The following PKD1 variants were observed in gnomAD, a reference collection of about 807,000 sequenced individuals.
PKD1 encodes the protein polycystin 1, transient receptor potential channel interacting.
PKD1 carries 81 observed loss-of-function variants against 361.7 expected under a neutral mutation model. The ratio of observed to expected loss-of-function variants is 0.22; its 90% CI spans 0.19 to 0.27. The LOEUF is 0.27. PKD1 is among the 10% of genes least tolerant of loss of function. The pLI, the probability that PKD1 is intolerant of heterozygous loss-of-function variation, is 1.00. For synonymous variants in PKD1, 3,615 were observed against 2,818.3 expected (o/e 1.28, Z -8.95); for missense variants, 6,399 against 6,118.3 (o/e 1.05, Z -1.53).
At chr16:2,098,652 TGAG>T (rs2091954747) in intron 30 of PKD1, among the ~76,000 whole-genome samples, 1 of 138,930 alleles carries the variant, frequency 7.2e-6, no homozygotes, top group African/African-American at 2.8e-5. Context: ...TGTAACCTCT[TGAG>T]GACCCCACGT....
rs911685556 is a variant in PKD1, at chr16:2,107,740, G to C, written c.7065+143C>G. 4 of 773,326 alleles carry C rather than the reference G, an allele frequency of 5.2e-6. No individual in the cohort carries two copies. In the African/African-American group the frequency reaches 6.8e-5, roughly 13 times the overall value. 47.9% of individuals were successfully genotyped at this position (773,326 alleles called of 1,614,324 possible). ...TTGGAAGGAAGCAAAGCTGAAGCAGGCTGTCGTGTTACATAGAATTTGCAT... is the reference window on the plus strand; with the variant it reads ...TTGGAAGGAAGCAAAGCTGAAGCAGCCTGTCGTGTTACATAGAATTTGCAT... On this transcript the variant is annotated intron_variant, in intron 16 of 45. Transcript: ENST00000262304.
At position 2,102,420 on chromosome 16, in the gene PKD1, G is replaced by A. The variant is rs757261713; in HGVS notation, c.9162C>T (p.Ser3054=). The A allele has an allele frequency of 1.3e-5, 20 of 1,552,590 alleles. No homozygotes were observed. Among genetic ancestry groups the A allele is most frequent in the Non-Finnish European group, 1.6e-5 (18 of 1,149,470 alleles). Residue 3054 remains serine, a synonymous_variant, in exon 25 of 46, where the codon AGC becomes AGT. Transcript: ENST00000262304. ...LTRHLTAFGA[S]LFVPPSHVRF... ...GGACATGGCTTGGGGGCACGAAGAG[G>A]CTGGCGCCGAAGGCGGTGAGGTGGC...
chr16:2,097,590 C>A, intron 32 of PKD1, 87 bp from the exon 33 acceptor site: 1 of 1,608,892 alleles, frequency 6.2e-7, no homozygotes, highest in African/African-American at 1.3e-5. Context: ...ACACCCTGGG[C>A]TTCCGAGCAA....
At position 2,104,671 on chromosome 16, in the gene PKD1, G is replaced by A. The variant is rs546456429; in HGVS notation, c.8017-29C>T. 1.3e-3 allele frequency: 1,803 copies of A among 1,357,066 alleles called. 12 individuals are homozygous for A. The African/African-American group carries it at 0.016, about 12-fold the overall frequency. 84.1% of individuals were successfully genotyped at this position (1,357,066 alleles called of 1,614,324 possible). A position where few individuals can be genotyped will look rare whatever the true frequency, so the allele number is the denominator to read the frequency against. On this transcript the variant is annotated intron_variant, in intron 21 of 45. Transcript: ENST00000262304. ...TGTGGAGCCAGCAGTGTCCAGCCCC[G>A]CTCCTGGCCCCACTCCTTGCACACG... is the stretch of plus-strand genomic sequence containing the variant.
intron 26 of PKD1, 46 bp downstream of exon 26, chr16:2,102,015 G>C (rs1177567153): frequency 3.2e-6 from 4 of 1,238,792 alleles, no homozygotes; most frequent in Admixed American, 2.0e-5. Flanking sequence ...AACCAGCACA[G>C]CCAGTGAGAG....
chr16:2,122,725 C>A (rs2092741423), intron 1 of PKD1, among the ~76,000 whole-genome samples: 1 of 152,228 alleles, frequency 6.6e-6, no homozygotes, highest in Admixed American at 6.5e-5. Flanking sequence ...GCGGCGGCAG[C>A]AGAACCAATG....
chr16:2,125,759 C>T (rs1173037390), intron 1 of PKD1, among the ~76,000 whole-genome samples: 1 of 151,876 alleles, frequency 6.6e-6, no homozygotes, highest in African/African-American at 2.4e-5. Context: ...AGAATGAGGG[C>T]CGGCTCCTGG....
At chr16:2,097,120 C>A in intron 34 of PKD1, 28 bp downstream of exon 34, 2 of 1,522,662 alleles carry the variant, frequency 1.3e-6, no homozygotes, top group Non-Finnish European at 1.8e-6. Flanking sequence ...TCTGGCAATC[C>A]CCCCTCCCCC....
In PKD1 at chr16:2,100,061, G is replaced by T; in HGVS notation, c.9723C>A (p.Ala3241=). ...EKEVLAASDA[A]LLRFRRLLVA... ...CCAGCAGGCGCCGGAAGCGCAAAAG[G>T]GCTGCGTCGCCTAGAAGGCAGGGAG... is the stretch of plus-strand genomic sequence containing the variant. Residue 3241 remains alanine (A), a synonymous_variant, in exon 29 of 46, where the codon GCC becomes GCA. Coordinates refer to ENST00000262304, the MANE Select transcript of PKD1 (RefSeq NM_001009944.3). This position sits in a 1 kb window ranked among gnomAD's most constrained non-coding sequence, Gnocchi z 4.4. 6.3e-7 allele frequency: 1 copy of T among 1,598,176 alleles called. No homozygotes were observed. The highest frequency in any genetic ancestry group is 8.5e-7 in the Non-Finnish European group (1 of 1,173,932).
At chr16:2,093,214 G>A in intron 37 of PKD1, 121 bp from the exon 38 acceptor site, 2 of 1,220,556 alleles carry the variant, frequency 1.6e-6, no homozygotes, top group East Asian at 2.3e-5. Context: ...GCTGGCAGGG[G>A]GCGCCCCAAG....
At chr16:2,101,921 G>A in intron 26 of PKD1, 140 bp downstream of exon 26, 3 of 674,828 alleles carry the variant, frequency 4.4e-6, no homozygotes, top group Non-Finnish European at 8.1e-6. Flanking sequence ...GTCATTCCCA[G>A]GATGAACACA....
intron 10 of PKD1, 128 bp from the exon 11 acceptor site, chr16:2,115,053 A>G (rs2092607236): frequency 1.3e-6 from 2 of 1,498,022 alleles, no homozygotes; most frequent in Non-Finnish European, 1.8e-6. Context: ...GCCTCCCCAC[A>G]GTGCTCGTGA....
intron 34 of PKD1, among the ~76,000 whole-genome samples, chr16:2,096,553 T>C (rs2151722423): frequency 6.6e-6 from 1 of 152,328 alleles, no homozygotes; most frequent in African/African-American, 2.4e-5. Context: ...TTCGCTCTTG[T>C]TGCCCAGGCT....
chr16:2,130,830 T>A (rs779572261), intron 1 of PKD1, among the ~76,000 whole-genome samples: 4 of 152,234 alleles, frequency 2.6e-5, no homozygotes, highest in Non-Finnish European at 5.9e-5. Flanking sequence ...CGGGTGCTCC[T>A]ATATTTTACA....
rs1314358902 is a variant in PKD1 at position 2,107,733 on chromosome 16, G to A, written c.7065+150C>T. 5.3e-6 allele frequency: 4 copies of A among 752,044 alleles called. No homozygotes were observed. The Admixed American group carries it at 6.2e-5, about 12-fold the overall frequency. The allele number at this position is 752,044 out of a possible 1,614,324, so 46.6% of individuals were successfully genotyped here. A position where few individuals can be genotyped will look rare whatever the true frequency, so the allele number is the denominator to read the frequency against. ...GGCAGGTTTGGAAGGAAGCAAAGCTGAAGCAGGCTGTCGTGTTACATAGAA... is the reference window on the plus strand; with the variant it reads ...GGCAGGTTTGGAAGGAAGCAAAGCTAAAGCAGGCTGTCGTGTTACATAGAA... On this transcript the variant is annotated intron_variant, in intron 16 of 45. Coordinates refer to ENST00000262304, the MANE Select transcript of PKD1 (RefSeq NM_001009944.3).
In PKD1 at chr16:2,090,149, G is replaced by T; in HGVS notation, c.12490C>A (p.Arg4164Ser). 6.3e-7 allele frequency: 1 copy of T among 1,595,738 alleles called. No homozygotes were observed. Among genetic ancestry groups the T allele is most frequent in the Non-Finnish European group, 8.5e-7 (1 of 1,170,242 alleles). Residue 4164 changes from arginine to serine, a missense_variant, in exon 46 of 46, where the codon CGC becomes AGC. Transcript: ENST00000262304. ...RFEGMEPLPSRSSRGSKVSPD... is the reference protein window; with the variant it reads ...RFEGMEPLPSSSSRGSKVSPD... ...GATACCTTGGAGCCCCTGGAGGAGC[G>T]AGAGGGCAGCGGCTCCATCCCTTCA...
rs1231058754 is a variant in PKD1, at chr16:2,092,998, G to A, written c.11112C>T (p.Ala3704=). 1.2e-6 allele frequency: 2 copies of A among 1,613,016 alleles called. No homozygotes were observed. The highest frequency in any genetic ancestry group is 4.5e-5 in the East Asian group (2 of 44,878). The change falls in exon 38 of 46, where the codon GCC becomes GCT. Residue 3704 remains alanine (A), a synonymous_variant. Transcript: ENST00000262304. ...CCCGGCTGTGCAGCTCCTGCTTGATGGCGCTTTGCAGACGGTAGGCGTGCC... is the reference window on the plus strand; with the variant it reads ...CCCGGCTGTGCAGCTCCTGCTTGATAGCGCTTTGCAGACGGTAGGCGTGCC... ...CHGHAYRLQS[A]IKQELHSRAF... is the part of the protein sequence containing the mutation.
At chr16:2,119,797 A>G in intron 1 of PKD1, 1 of 693,384 alleles carries the variant, frequency 1.4e-6, no homozygotes, top group Non-Finnish European at 2.6e-6. Context: ...TCTGAACCCA[A>G]CAGGGTGGTC....
At position 2,102,472 on chromosome 16, in the gene PKD1, G is replaced by A. The variant is rs1334479976; in HGVS notation, c.9110C>T (p.Ser3037Leu). The change falls in exon 25 of 46, where the codon TCG (serine) becomes TTG (leucine). Residue 3037 changes from serine (S) to leucine (L), a missense_variant. Transcript: ENST00000262304. ...TEGLLPLEET[S>L]PRQAVCLTRH... ...GGTGAGGCAGACGGCCTGGCGGGGC[G>A]AGGTCTCCTCCAGGGGCAGCAGCCC... The A allele has an allele frequency of 4.5e-6, 7 of 1,559,886 alleles. No homozygotes were observed. The highest frequency in any genetic ancestry group is 1.4e-5 in the African/African-American group (1 of 73,268).
Sources: allele counts gnomAD v4.1 joint callset (sites outside exome capture counted in the v4.1 genomes callset), GRCh38; gene constraint gnomAD v4.1.1; non-coding constraint Gnocchi (gnomAD v3.1); transcripts MANE v1.5; gene names NCBI Gene and HGNC (gene_info 2026-07-23, HGNC 2026-07-21).